Variants in MPPED2 observed in about 807,000 individuals in gnomAD.
The protein encoded by MPPED2 is metallophosphoesterase domain containing 2.
MPPED2 carries 5 observed loss-of-function variants against 33.0 expected under a neutral mutation model. That is an observed-to-expected ratio of 0.15 (90% confidence interval 0.08 to 0.32). MPPED2 has a LOEUF of 0.32. Among genes scored for constraint, MPPED2 ranks in the 10% least tolerant of loss-of-function variants. MPPED2 has a pLI of 1.00. For synonymous variants in MPPED2, 136 were observed against 141.9 expected (o/e 0.96, Z 0.29); for missense variants, 275 against 372.1 (o/e 0.74, Z 2.15).
intron 2 of MPPED2, among the ~76,000 whole-genome samples, chr11:30,552,739 A>G (rs1955774026): frequency 6.6e-6 from 1 of 152,068 alleles, no homozygotes; most frequent in Non-Finnish European, 1.5e-5. Context: ...TTTCTTAACC[A>G]TTTCCCTTTG....
chr11:30,574,245 C>A (rs1956826156), intron 2 of MPPED2, among the ~76,000 whole-genome samples: 1 of 152,060 alleles, frequency 6.6e-6, no homozygotes, highest in African/African-American at 2.4e-5. Context: ...TTTTTATACT[C>A]TACCTTTCTT....
chr11:30,580,603 TA>T, intron 1 of MPPED2, 109 bp from the exon 2 acceptor site: 1 of 1,108,746 alleles, frequency 9.0e-7, no homozygotes, highest in Non-Finnish European at 1.2e-6. Flanking sequence ...AAAATCTGAA[TA>T]TGTGTTGTTG....
chr11:30,529,247 CAG>C (rs1324744797), intron 3 of MPPED2, among the ~76,000 whole-genome samples: 3 of 151,850 alleles, frequency 2.0e-5, no homozygotes, highest in Non-Finnish European at 4.4e-5. Flanking sequence ...TAAAAAGAAA[CAG>C]AAAGTAGAAA....
chr11:30,440,520 T>A (rs916945320), intron 4 of MPPED2, among the ~76,000 whole-genome samples: 2 of 152,168 alleles, frequency 1.3e-5, no homozygotes, highest in African/African-American at 4.8e-5. Context: ...TGTTCTGGAC[T>A]CTGGAGCACT....
At chr11:30,422,218 A>G (rs1948645952) in intron 4 of MPPED2, among the ~76,000 whole-genome samples, 1 of 152,216 alleles carries the variant, frequency 6.6e-6, no homozygotes, top group South Asian at 2.1e-4. Context: ...CAAAGCAGGC[A>G]AATGCAAAGG....
chr11:30,580,849 GC>G, intron 1 of MPPED2, among the ~76,000 whole-genome samples: 1 of 152,284 alleles, frequency 6.6e-6, no homozygotes, highest in South Asian at 2.1e-4. Flanking sequence ...TTCCAAACCT[GC>G]CCTGCTAATT....
intron 4 of MPPED2, among the ~76,000 whole-genome samples, chr11:30,426,943 C>T (rs1948865751): frequency 6.6e-6 from 1 of 152,140 alleles, no homozygotes; most frequent in Admixed American, 6.5e-5. Context: ...AAACCCACAT[C>T]CTACCAGAGA....
intron 3 of MPPED2, among the ~76,000 whole-genome samples, chr11:30,508,998 T>C (rs187091632): frequency 6.6e-6 from 1 of 152,358 alleles, no homozygotes; most frequent in African/African-American, 2.4e-5. Context: ...AATTCTATAT[T>C]GCCTGAGAAT....
intron 3 of MPPED2, among the ~76,000 whole-genome samples, chr11:30,534,385 T>A (rs1459128663): frequency 6.6e-6 from 1 of 152,126 alleles, no homozygotes; most frequent in Non-Finnish European, 1.5e-5. Context: ...AAAAAAGACA[T>A]AAGCGAAAAG....
At chr11:30,417,388 ATTGAC>A in intron 5 of MPPED2, 125 bp downstream of exon 5, 1 of 578,996 alleles carries the variant, frequency 1.7e-6, no homozygotes, top group Non-Finnish European at 3.1e-6. Context: ...CTTTAAAGAC[ATTGAC>A]TTTTCTTCTC....
intron 4 of MPPED2, among the ~76,000 whole-genome samples, chr11:30,456,629 T>C (rs1477710300): frequency 1.3e-5 from 2 of 152,158 alleles, no homozygotes; most frequent in African/African-American, 2.4e-5. Flanking sequence ...AGATAAACTT[T>C]AAGCAATATT....
intron 4 of MPPED2, among the ~76,000 whole-genome samples, chr11:30,430,480 T>C (rs551038603): frequency 2.4e-4 from 36 of 152,372 alleles, no homozygotes; most frequent in Non-Finnish European, 4.3e-4. Flanking sequence ...TTAATGTGGC[T>C]ACCAGAAAAT....
chr11:30,507,504 T>C (rs1468810420), intron 3 of MPPED2, among the ~76,000 whole-genome samples: 2 of 152,200 alleles, frequency 1.3e-5, no homozygotes, highest in Non-Finnish European at 2.9e-5. Flanking sequence ...AATTGATTCT[T>C]CCCATTTTAT....
chr11:30,462,514 A>G (rs1950549403), intron 4 of MPPED2, among the ~76,000 whole-genome samples: 1 of 152,224 alleles, frequency 6.6e-6, no homozygotes, highest in African/African-American at 2.4e-5. Flanking sequence ...TACTCTTAAA[A>G]AGGAAAGGGA....
intron 4 of MPPED2, chr11:30,452,135 T>G (rs1950088646): frequency 2.0e-6 from 2 of 975,702 alleles, no homozygotes; most frequent in Non-Finnish European, 2.4e-6. Flanking sequence ...CTTAAAAATC[T>G]TCAAGGGCTT....
intron 4 of MPPED2, among the ~76,000 whole-genome samples, chr11:30,433,577 C>T (rs766982190): frequency 6.6e-6 from 1 of 152,140 alleles, no homozygotes; most frequent in Non-Finnish European, 1.5e-5. Context: ...AGCCGATCTC[C>T]TTGAATGTCA....
At chr11:30,516,958 G>A (rs562101536) in intron 3 of MPPED2, among the ~76,000 whole-genome samples, 1 of 152,216 alleles carries the variant, frequency 6.6e-6, no homozygotes, top group Non-Finnish European at 1.5e-5. Context: ...TGTATGGATG[G>A]GTTGGCTGTA....
intron 4 of MPPED2, among the ~76,000 whole-genome samples, chr11:30,468,582 G>C (rs1950819198): frequency 6.6e-6 from 1 of 152,082 alleles, no homozygotes; most frequent in African/African-American, 2.4e-5. Context: ...AATTAGGAGA[G>C]AAGCAGAAAG....
chr11:30,423,704 A>C (rs558871024), intron 4 of MPPED2, among the ~76,000 whole-genome samples: 2 of 152,370 alleles, frequency 1.3e-5, no homozygotes, highest in Admixed American at 1.3e-4. Context: ...TATGTGGATA[A>C]AGTGAATGAA....
Sources: gnomAD v4.1 joint callset for allele counts (sites outside exome capture counted in the v4.1 genomes callset) on GRCh38, gnomAD v4.1.1 for gene constraint, MANE v1.5 for transcripts, NCBI Gene and HGNC (gene_info 2026-07-23, HGNC 2026-07-21) for gene names.